Variants in LRP8 observed in about 807,000 individuals in gnomAD.
The protein encoded by LRP8 is low-density lipoprotein receptor-related protein 8.
Under a neutral mutation model 111.6 loss-of-function variants are expected in LRP8, and 46 were observed. The ratio of observed to expected loss-of-function variants is 0.41; its 90% CI spans 0.33 to 0.53. The LOEUF is 0.53. LRP8 is among the 20% of genes least tolerant of loss of function. The probability of loss-of-function intolerance (pLI) is 0.20; values close to 1 mark genes in which losing one functional copy is unlikely to be tolerated. For synonymous variants in LRP8, 464 were observed against 511.2 expected, an observed-to-expected ratio of 0.91 and a Z score of 1.24; for missense variants, 959 against 1,297.4, an observed-to-expected ratio of 0.74 and a Z score of 4.01.
chr1:53,299,327 A>G (rs527941457), intron 2 of LRP8, among the ~76,000 whole-genome samples: 7 of 152,156 alleles, frequency 4.6e-5, no homozygotes, highest in African/African-American at 1.7e-4. Context: ...GACTGCACAC[A>G]CTAGGAAGCA....
rs1321713624 is a variant in LRP8, at chr1:53,242,856, T to TACAC, written c.*4161_*4162insGTGT. 7 of 111,978 alleles carry TACAC rather than the reference T, an allele frequency of 6.3e-5. No homozygotes were observed. The highest frequency in any genetic ancestry group is 1.7e-4 in the African/African-American group (6 of 34,626). The allele number at this position is 111,978 out of a possible 1,614,324, so 6.9% of individuals were successfully genotyped here. On this transcript the variant is annotated 3_prime_UTR_variant, in exon 19 of 19. Transcript: ENST00000306052. ...CTTTAAATATATATATATATATATA[T>TACAC]ATACACACACACACACGTGGCTTTT...
rs72895386 is a variant in LRP8, at chr1:53,317,140, G to A, written c.244+9733C>T. On this transcript the variant is annotated intron_variant, in intron 2 of 18. Transcript: ENST00000306052. The surrounding 1 kb of genome is among the most constrained non-coding windows in gnomAD (Gnocchi z 4.9). ...CTGAGAGTGTAGGGCAGCAGATGGCGGCTCAGGGTCCAGGAAGTGGGGGAG... is the reference window on the plus strand; with the variant it reads ...CTGAGAGTGTAGGGCAGCAGATGGCAGCTCAGGGTCCAGGAAGTGGGGGAG... Among the ~76,000 whole-genome samples, 8,453 of 151,924 alleles carry A rather than the reference G, an allele frequency of 0.056. 634 individuals are homozygous for A. The highest frequency in any genetic ancestry group is 0.17 in the African/African-American group (6,866 of 41,346).
chr1:53,270,792 T>G (rs1439839881), intron 8 of LRP8, among the ~76,000 whole-genome samples: 1 of 152,244 alleles, frequency 6.6e-6, no homozygotes, highest in African/African-American at 2.4e-5. Context: ...AGCCTGCTCC[T>G]GTCTTAGATT....
At chr1:53,247,216 A>G (rs1645754232) in intron 18 of LRP8, among the ~76,000 whole-genome samples, 160 bp from the exon 19 acceptor site, 1 of 152,244 alleles carries the variant, frequency 6.6e-6, no homozygotes, top group African/African-American at 2.4e-5. Context: ...TTTACAGATG[A>G]GAAACAAAAC....
At chr1:53,311,011 A>G (rs558495324) in intron 2 of LRP8, among the ~76,000 whole-genome samples, 93 of 152,240 alleles carry the variant, frequency 6.1e-4, no homozygotes, top group Admixed American at 2.1e-3. Context: ...AGGAGGCCCT[A>G]TGCCATGAAA....
chr1:53,322,479 G>A (rs1654639274), intron 2 of LRP8, among the ~76,000 whole-genome samples: 1 of 152,218 alleles, frequency 6.6e-6, no homozygotes, highest in African/African-American at 2.4e-5. Context: ...GTGAGAAGCA[G>A]CAGGAGGGTG....
intron 10 of LRP8, among the ~76,000 whole-genome samples, chr1:53,263,461 T>C (rs1229548081): frequency 6.6e-6 from 1 of 152,080 alleles, no homozygotes; most frequent in Non-Finnish European, 1.5e-5. Context: ...GATATAACGC[T>C]AAAAAAACCA....
chr1:53,307,597 G>C (rs2100513563), intron 2 of LRP8: 1 of 152,340 alleles, frequency 6.6e-6, no homozygotes, highest in Non-Finnish European at 1.5e-5. Flanking sequence ...AACATACTCA[G>C]ACACGCATGT....
chr1:53,275,828 C>A lies in LRP8; in HGVS notation c.884-75G>T. On this transcript the variant is annotated intron_variant, in intron 5 of 18. Coordinates refer to ENST00000306052, the MANE Select transcript of LRP8 (RefSeq NM_004631.5). This position sits in a 1 kb window ranked among gnomAD's most constrained non-coding sequence, Gnocchi z 4.4. ...ACAATTTCCCCACCACCCCAATCCCCATGCCATAGCCACCCCCAGCAAAAA... is the reference window on the plus strand; with the variant it reads ...ACAATTTCCCCACCACCCCAATCCCAATGCCATAGCCACCCCCAGCAAAAA... 1 of 1,537,688 alleles carries A rather than the reference C, an allele frequency of 6.5e-7. No homozygotes were observed. The highest frequency in any genetic ancestry group is 2.3e-5 in the East Asian group (1 of 42,628).
At chr1:53,263,678 G>A (rs1192508807) in intron 10 of LRP8, among the ~76,000 whole-genome samples, 1 of 152,144 alleles carries the variant, frequency 6.6e-6, no homozygotes, top group African/African-American at 2.4e-5. Flanking sequence ...TCTCTCACAG[G>A]GCAGGGAATA....
At chr1:53,265,949 A>G (rs1646537500) in intron 9 of LRP8, among the ~76,000 whole-genome samples, 1 of 152,206 alleles carries the variant, frequency 6.6e-6, no homozygotes, top group African/African-American at 2.4e-5. Context: ...TGTGGCGTCA[A>G]AGACAGTGAA....
chr1:53,264,331 G>C lies in LRP8; in HGVS notation c.1493C>G (p.Ser498Cys), dbSNP rs1186770565. 2.5e-6 allele frequency: 4 copies of C among 1,614,022 alleles called. No homozygotes were observed. Among genetic ancestry groups the C allele is most frequent in the African/African-American group, 1.3e-5 (1 of 74,924 alleles). Residue 498 changes from serine to cysteine, a missense_variant, in exon 10 of 19, where the codon TCT (serine) becomes TGT (cysteine). Around this residue, in one of 3 missense-constraint regions of LRP8, gnomAD observed 819 missense variants for 1,097.6 expected, o/e 0.75. Transcript: ENST00000306052. ...QEVLIDEQLH[S>C]PEGLAVDWVH... The stretch of plus-strand genomic sequence containing the variant: ...CCAGTCCACTGCCAGGCCCTCTGGA[G>C]AGTGCAACTGCTCGTCAATGAGGAC...
chr1:53,260,345 G>T, intron 13 of LRP8, 119 bp downstream of exon 13: 1 of 865,172 alleles, frequency 1.2e-6, no homozygotes. Context: ...AGGGATTGTT[G>T]TTATTATTCC....
chr1:53,323,113 C>T (rs1295012223), intron 2 of LRP8, among the ~76,000 whole-genome samples: 1 of 152,168 alleles, frequency 6.6e-6, no homozygotes, highest in Non-Finnish European at 1.5e-5. Context: ...AAGATGTCAT[C>T]TCAAGACAGG....
At position 53,317,964 on chromosome 1, in the gene LRP8, A is replaced by G. The variant is rs899408539; in HGVS notation, c.244+8909T>C. ...CAGCTATACTCCCCGCACTGTCACC[A>G]GGTAGTAAGGCACAGATCCCTGCCC... On this transcript the variant is annotated intron_variant, in intron 2 of 18. Coordinates refer to ENST00000306052, the MANE Select transcript of LRP8 (RefSeq NM_004631.5). The surrounding 1 kb of genome is among the most constrained non-coding windows in gnomAD (Gnocchi z 4.9). Among the ~76,000 whole-genome samples the G allele has an allele frequency of 6.6e-6, 1 of 152,210 alleles. No homozygotes were observed. The highest frequency in any genetic ancestry group is 2.4e-5 in the African/African-American group (1 of 41,460).
At position 53,257,339 on chromosome 1, in the gene LRP8, T is replaced by G; in HGVS notation, c.2335A>C (p.Ser779Arg). The change falls in exon 15 of 19, where the codon AGC becomes CGC. Residue 779 changes from serine to arginine, a missense_variant. Coordinates refer to ENST00000306052, the MANE Select transcript of LRP8 (RefSeq NM_004631.5). ...TYQNHSTETP[S>R]LTAAVPSSVS... ...GAGCTTGGGACTGCAGCTGTCAGGC[T>G]TGGTGTCTCTGTGCTGTGGTTCTGG... is the stretch of plus-strand genomic sequence containing the variant. The G allele has an allele frequency of 6.2e-7, 1 of 1,614,148 alleles. No homozygotes were observed. The highest frequency in any genetic ancestry group is 8.5e-7 in the Non-Finnish European group (1 of 1,180,002).
chr1:53,271,015 G>A lies in LRP8; in HGVS notation c.1252+13C>T. 1.9e-6 allele frequency: 3 copies of A among 1,613,988 alleles called. No homozygotes were observed. Among genetic ancestry groups the A allele is most frequent in the Non-Finnish European group, 2.5e-6 (3 of 1,180,006 alleles). Reference sequence around the variant, plus strand: ...CTTTCAGAGCTGCCCCTCTGCCCTTGGGGTGTTCATACCAGCAGCCTTGCA... The same window carrying A: ...CTTTCAGAGCTGCCCCTCTGCCCTTAGGGTGTTCATACCAGCAGCCTTGCA... On this transcript the variant is annotated intron_variant, in intron 8 of 18. Coordinates refer to ENST00000306052, the MANE Select transcript of LRP8 (RefSeq NM_004631.5).
At chr1:53,310,887 G>A (rs1235979524) in intron 2 of LRP8, among the ~76,000 whole-genome samples, 1 of 152,204 alleles carries the variant, frequency 6.6e-6, no homozygotes, top group Admixed American at 6.5e-5. Context: ...ATGAAAGCCA[G>A]TCCTGCCTGA....
chr1:53,287,329 G>A (rs898478436), intron 3 of LRP8, among the ~76,000 whole-genome samples: 3 of 152,162 alleles, frequency 2.0e-5, no homozygotes, highest in Non-Finnish European at 2.9e-5. Context: ...TGCCTACACC[G>A]ACCAATGTAA....
Sources: allele counts gnomAD v4.1 joint callset (sites outside exome capture counted in the v4.1 genomes callset), GRCh38; gene constraint gnomAD v4.1.1; regional missense constraint gnomAD v4.1.1; non-coding constraint Gnocchi (gnomAD v3.1); transcripts MANE v1.5; gene names NCBI Gene and HGNC (gene_info 2026-07-23, HGNC 2026-07-21).